The following HARS2 variants were observed in gnomAD, a reference collection of about 807,000 sequenced individuals.
HARS2 encodes the protein histidine--tRNA ligase, mitochondrial.
In HARS2, 40 loss-of-function variants were observed where a neutral mutation model predicts 62.4. The ratio of observed to expected loss-of-function variants is 0.64; its 90% CI spans 0.50 to 0.83. The LOEUF is 0.83. HARS2 is among the 40% of genes least tolerant of loss of function. HARS2 has a pLI of 0.00. For missense variants in HARS2, 569 were observed against 626.4 expected, an observed-to-expected ratio of 0.91 and a Z score of 0.98; for synonymous variants, 228 against 227.0, an observed-to-expected ratio of 1.00 and a Z score of -0.04.
Position 140,697,212 on chromosome 5 carries a change from G to A in HARS2, c.1003G>A (p.Val335Met). ...LARGLDYYTG[V>M]IYEAVLLQTP... ...TCGGGGCCTAGACTACTATACAGGAGTGATCTATGAAGCAGTGCTGCTGCA... is the reference window on the plus strand; with the variant it reads ...TCGGGGCCTAGACTACTATACAGGAATGATCTATGAAGCAGTGCTGCTGCA... Residue 335 changes from valine (V) to methionine (M), a missense_variant, in exon 10 of 13, where the codon GTG becomes ATG. Physicochemically the swap from Val to Met is conservative, Grantham distance 21. Transcript: ENST00000230771. 1 of 1,614,186 alleles carries A rather than the reference G, an allele frequency of 6.2e-7. No homozygotes were observed. Among genetic ancestry groups the A allele is most frequent in the Non-Finnish European group, 8.5e-7 (1 of 1,180,044 alleles).
At position 140,695,764 on chromosome 5, in the gene HARS2, C is replaced by G. The variant is rs538928793; in HGVS notation, c.552C>G (p.Asp184Glu). Residue 184 changes from aspartate to glutamate, a missense_variant, in exon 6 of 13, where the codon GAC becomes GAG. Asp to Glu is a conservative substitution (Grantham distance 45, BLOSUM62 2). Transcript: ENST00000230771. The part of the protein sequence containing the change: ...QCDFDIAGQF[D>E]PMIPDAECLK... ...ATTTTGACATTGCTGGTCAGTTTGA[C>G]CCTATGATCCCCGATGCAGAGTGTT... The G allele has an allele frequency of 6.2e-7, 1 of 1,613,922 alleles. No homozygotes were observed. Among genetic ancestry groups the G allele is most frequent in the South Asian group, 1.1e-5 (1 of 91,076 alleles).
At chr5:140,693,889 C>G in intron 2 of HARS2, 46 bp from the exon 3 acceptor site, 1 of 1,611,064 alleles carries the variant, frequency 6.2e-7, no homozygotes, top group Non-Finnish European at 8.5e-7. Context: ...CTGAAATGGA[C>G]TTATTTTTTG....
chr5:140,695,895 C>A, intron 6 of HARS2, 50 bp downstream of exon 6: 1 of 1,377,434 alleles, frequency 7.3e-7, no homozygotes, highest in Non-Finnish European at 1.0e-6. Flanking sequence ...TGGCCTAATA[C>A]TGTTTATGCA....
Position 140,697,341 on chromosome 5 carries a change from G to A in HARS2, c.1132G>A (p.Val378Met). 1 of 1,614,146 alleles carries A rather than the reference G, an allele frequency of 6.2e-7. No homozygotes were observed. Among genetic ancestry groups the A allele is most frequent in the Non-Finnish European group, 8.5e-7 (1 of 1,180,024 alleles). The change falls in exon 10 of 13, where the codon GTG (valine) becomes ATG (methionine). Residue 378 changes from valine to methionine, a missense_variant. By Grantham distance (21) the Val-to-Met change is conservative (BLOSUM62 1). Transcript: ENST00000230771. ...VGMFDPKGHKVPCVGLSIGVE... is the reference protein window; with the variant it reads ...VGMFDPKGHKMPCVGLSIGVE... ...CATGTTTGACCCCAAGGGCCACAAG[G>A]TGCCATGTGTGGGACTCAGCATTGG...
In HARS2 at chr5:140,695,609, C is replaced by T. The variant is rs907739397; in HGVS notation, c.501C>T (p.Gly167=). 5.6e-6 allele frequency: 9 copies of T among 1,614,144 alleles called. No individual in the cohort carries two copies. Among genetic ancestry groups the T allele is most frequent in the Non-Finnish European group, 7.6e-6 (9 of 1,180,032 alleles). ...WRRESPTIVQ[G]RYREFCQCDF... ...GAGAGAGCCCAACCATAGTCCAAGGCCGTTATAGGGAGTTCTGCCAGTGTG... is the reference window on the plus strand; with the variant it reads ...GAGAGAGCCCAACCATAGTCCAAGGTCGTTATAGGGAGTTCTGCCAGTGTG... The change falls in exon 5 of 13, where the codon GGC becomes GGT. Residue 167 remains glycine, a synonymous_variant. Coordinates refer to ENST00000230771, the MANE Select transcript of HARS2 (RefSeq NM_012208.4).
In HARS2 at chr5:140,696,485, T is replaced by C. The variant is rs369825104; in HGVS notation, c.733-36T>C. 16 of 1,468,328 alleles carry C rather than the reference T, an allele frequency of 1.1e-5. No individual in the cohort carries two copies. In the Admixed American group the frequency reaches 2.2e-4, roughly 20 times the overall value. The allele number at this position is 1,468,328 out of a possible 1,614,324, so 91.0% of individuals were successfully genotyped here. The stretch of plus-strand genomic sequence containing the variant: ...CCTTTTTCAGTTTGAGAAAGAAAGA[T>C]CTTGGGGCTGGGCTAATGTTTGGGT... On this transcript the variant is annotated intron_variant, in intron 7 of 12. Transcript: ENST00000230771.
chr5:140,693,744 T>C (rs1024264922), intron 2 of HARS2, 79 bp downstream of exon 2: 4 of 1,288,106 alleles, frequency 3.1e-6, no homozygotes, highest in Admixed American at 3.4e-5. Flanking sequence ...TCTGACCCCT[T>C]TTAATGTTCT....
rs756149875 is a variant in HARS2, at chr5:140,693,989, T to G, written c.238T>G (p.Leu80Val). ...HMVVREKILD[L>V]VISCFKRHGA... ...GGTTGTGAGGGAGAAAATTCTTGAT[T>G]TGGTTATCAGCTGCTTTAAACGTCA... Residue 80 changes from leucine (L) to valine (V), a missense_variant, in exon 3 of 13, where the codon TTG becomes GTG. Leu to Val is a conservative substitution (Grantham distance 32). Transcript: ENST00000230771. 2 of 1,614,068 alleles carry G rather than the reference T, an allele frequency of 1.2e-6. No individual in the cohort carries two copies. Among genetic ancestry groups the G allele is most frequent in the Non-Finnish European group, 1.7e-6 (2 of 1,179,930 alleles).
Position 140,695,818 on chromosome 5 carries a change from A to T in HARS2, c.606A>T (p.Gly202=). 1 of 1,612,948 alleles carries T rather than the reference A, an allele frequency of 6.2e-7. No individual in the cohort carries two copies. The highest frequency in any genetic ancestry group is 8.5e-7 in the Non-Finnish European group (1 of 1,178,912). ...CLKIMCEILS[G]LQLGDFLIKV... is the part of the protein sequence containing the mutation. ...AGATCATGTGTGAAATCCTAAGTGGATTGCAGTTGGGAGACTTTCTCATTA... is the reference window on the plus strand; with the variant it reads ...AGATCATGTGTGAAATCCTAAGTGGTTTGCAGTTGGGAGACTTTCTCATTA... Residue 202 remains glycine, a synonymous_variant, in exon 6 of 13, where the codon GGA becomes GGT. Transcript: ENST00000230771.
chr5:140,698,108 C>T (rs374476870), intron 12 of HARS2, 30 bp downstream of exon 12: 29 of 1,605,212 alleles, frequency 1.8e-5, no homozygotes, highest in African/African-American at 9.4e-5. Flanking sequence ...ATAGAAGGGA[C>T]GAAGTATTTC....
rs763487395 is a variant in HARS2 at position 140,691,733 on chromosome 5, G to C, written c.85G>C (p.Gly29Arg). The C allele has an allele frequency of 1.3e-6, 2 of 1,551,634 alleles. No individual in the cohort carries two copies. The highest frequency in any genetic ancestry group is 1.2e-5 in the South Asian group (1 of 84,196). ...GCGACCGCCCTGCGCTTCGTGCACC[G>C]GGGCGGTCCGTTGCCAAAGCCAGGT... ...LLRPPCASCT[G>R]AVRCQSQVAE... Residue 29 changes from glycine to arginine, a missense_variant, in exon 1 of 13, where the codon GGG becomes CGG. Gly to Arg is a moderately radical substitution (Grantham distance 125). Transcript: ENST00000230771.
chr5:140,696,126 T>A lies in HARS2; in HGVS notation c.657T>A (p.Asp219Glu). 2 of 1,613,958 alleles carry A rather than the reference T, an allele frequency of 1.2e-6. No homozygotes were observed. Among genetic ancestry groups the A allele is most frequent in the Non-Finnish European group, 1.7e-6 (2 of 1,179,908 alleles). ...AGGTAAATGACCGGCGGATTGTGGA[T>A]GGGATGTTTGCTGTCTGTGGTGTTC... Reference protein sequence around the residue: ...LIKVNDRRIVDGMFAVCGVPE... With the variant: ...LIKVNDRRIVEGMFAVCGVPE... Residue 219 changes from aspartate to glutamate, a missense_variant, in exon 7 of 13, where the codon GAT becomes GAA. Asp to Glu is a conservative substitution (Grantham distance 45, BLOSUM62 2). Coordinates refer to ENST00000230771, the MANE Select transcript of HARS2 (RefSeq NM_012208.4).
In HARS2 at chr5:140,696,129, G is replaced by A; in HGVS notation, c.660G>A (p.Gly220=). 6.2e-7 allele frequency: 1 copy of A among 1,613,988 alleles called. No homozygotes were observed. The highest frequency in any genetic ancestry group is 1.3e-5 in the African/African-American group (1 of 75,068). The change falls in exon 7 of 13, where the codon GGG becomes GGA. Residue 220 remains glycine (G), a synonymous_variant. Coordinates refer to ENST00000230771, the MANE Select transcript of HARS2 (RefSeq NM_012208.4). The part of the protein sequence containing the change: ...IKVNDRRIVD[G]MFAVCGVPES... ...TAAATGACCGGCGGATTGTGGATGG[G>A]ATGTTTGCTGTCTGTGGTGTTCCTG...
Position 140,696,502 on chromosome 5 carries a change from T to C in HARS2, c.733-19T>C. 6.4e-7 allele frequency: 1 copy of C among 1,572,496 alleles called. No individual in the cohort carries two copies. The highest frequency in any genetic ancestry group is 1.3e-5 in the African/African-American group (1 of 74,286). ...AAGAAAGATCTTGGGGCTGGGCTAA[T>C]GTTTGGGTGTTTATGCAGATGGCTT... On this transcript the variant is annotated intron_variant, in intron 7 of 12. Transcript: ENST00000230771.
Position 140,695,734 on chromosome 5 carries a change from G to T in HARS2, c.526-4G>T. 6.2e-7 allele frequency: 1 copy of T among 1,613,636 alleles called. No homozygotes were observed. The highest frequency in any genetic ancestry group is 8.5e-7 in the Non-Finnish European group (1 of 1,179,532). The stretch of plus-strand genomic sequence containing the variant: ...GTTTTTTCCCATCTTTTTCTTTGCT[G>T]TAGGATTTTGACATTGCTGGTCAGT... On this transcript the variant is annotated splice_region_variant and splice_polypyrimidine_tract_variant and intron_variant, in intron 5 of 12. Transcript: ENST00000230771.
rs1012333899 is a variant in HARS2, at chr5:140,695,722, T to C, written c.526-16T>C. The C allele has an allele frequency of 2.5e-6, 4 of 1,613,396 alleles. No homozygotes were observed. The highest frequency in any genetic ancestry group is 2.7e-5 in the African/African-American group (2 of 75,032). ...TGGATAATGGATGTTTTTTCCCATC[T>C]TTTTCTTTGCTGTAGGATTTTGACA... On this transcript the variant is annotated splice_polypyrimidine_tract_variant and intron_variant, in intron 5 of 12. Coordinates refer to ENST00000230771, the MANE Select transcript of HARS2 (RefSeq NM_012208.4).
rs1204732978 is a variant in HARS2, at chr5:140,696,622, C to A, written c.826+8C>A. ...ACTATGTCCAGTGTCATGGTAAGAA[C>A]CAGGGTTTTCAGAGCTGTGATAGAA... is the stretch of plus-strand genomic sequence containing the variant. On this transcript the variant is annotated splice_region_variant and intron_variant, in intron 8 of 12. Transcript: ENST00000230771. 4 of 1,584,324 alleles carry A rather than the reference C, an allele frequency of 2.5e-6. No homozygotes were observed. Among genetic ancestry groups the A allele is most frequent in the Non-Finnish European group, 3.5e-6 (4 of 1,152,948 alleles).
At chr5:140,696,486 C>G (rs916439853) in intron 7 of HARS2, 35 bp from the exon 8 acceptor site, 1 of 1,478,340 alleles carries the variant, frequency 6.8e-7, no homozygotes, top group African/African-American at 1.4e-5. Context: ...AAAGAAAGAT[C>G]TTGGGGCTGG....
chr5:140,697,506 G>T (rs772702914), intron 10 of HARS2, 63 bp from the exon 11 acceptor site: 10 of 1,603,874 alleles, frequency 6.2e-6, no homozygotes, highest in South Asian at 1.1e-5. Flanking sequence ...TTTTTGTCTT[G>T]ATTTTTGGAA....
Sources: allele counts gnomAD v4.1 joint callset, GRCh38; gene constraint gnomAD v4.1.1; transcripts MANE v1.5; gene names NCBI Gene and HGNC (gene_info 2026-07-23, HGNC 2026-07-21).